Variants in ABTB2 observed in about 807,000 individuals in gnomAD.
ABTB2 encodes the protein ankyrin repeat and BTB domain containing 2.
A neutral mutation model predicts 104.1 loss-of-function variants in ABTB2; 56 were observed. The ratio of observed to expected loss-of-function variants is 0.54; its 90% CI spans 0.43 to 0.67. The LOEUF is 0.67. Ranked by LOEUF, ABTB2 falls within the 30% of genes least tolerant of loss-of-function variation. ABTB2 has a pLI of 0.00. For synonymous variants in ABTB2, 606 were observed against 608.2 expected, an observed-to-expected ratio of 1.00 and a Z score of 0.05; for missense variants, 1,279 against 1,407.7, an observed-to-expected ratio of 0.91 and a Z score of 1.46.
At chr11:34,161,989 A>G (rs1852727170) in intron 10 of ABTB2, among the ~76,000 whole-genome samples, 1 of 152,136 alleles carries the variant, frequency 6.6e-6, no homozygotes, top group South Asian at 2.1e-4. Context: ...CCAAGTGCTC[A>G]CGGTGGCCAC....
At chr11:34,155,794 T>G (rs955019554) in intron 14 of ABTB2, among the ~76,000 whole-genome samples, 1 of 152,212 alleles carries the variant, frequency 6.6e-6, no homozygotes, top group Non-Finnish European at 1.5e-5. Context: ...TCCCACGGCC[T>G]TCTGCAGCCC....
In ABTB2 at chr11:34,297,792, A is replaced by AAC. The variant is rs1554923788; in HGVS notation, c.883+58908_883+58909insGT. Among the ~76,000 whole-genome samples, 73 of 73,572 alleles carry AAC rather than the reference A, an allele frequency of 9.9e-4. 6 individuals carry two copies. The highest frequency in any genetic ancestry group is 3.0e-3 in the African/African-American group (39 of 12,792). The allele number at this position is 73,572 out of a possible 152,430, so 48.3% of individuals were successfully genotyped here. On this transcript the variant is annotated intron_variant, in intron 1 of 16. Coordinates refer to ENST00000435224, the MANE Select transcript of ABTB2 (RefSeq NM_145804.3). ...AAAAAAAAAAAAAAAAAATAAAAAT[A>AAC]AAGGAAAGAAAAAGAAAAAAACAAA... is the stretch of plus-strand genomic sequence containing the variant.
chr11:34,241,080 G>C (rs1853910215), intron 1 of ABTB2, among the ~76,000 whole-genome samples: 1 of 152,146 alleles, frequency 6.6e-6, no homozygotes. Flanking sequence ...AGTTGCATTA[G>C]GGCATGGTGG....
rs1565129401 is a variant in ABTB2 at position 34,165,295 on chromosome 11, T to G, written c.1817A>C (p.Tyr606Ser). 1.3e-6 allele frequency: 2 copies of G among 1,570,762 alleles called. No homozygotes were observed. The highest frequency in any genetic ancestry group is 4.8e-5 in the East Asian group (2 of 41,940). Residue 606 changes from tyrosine (Y) to serine (S), a missense_variant, in exon 8 of 17, where the codon TAT becomes TCT. Coordinates refer to ENST00000435224, the MANE Select transcript of ABTB2 (RefSeq NM_145804.3). The stretch of plus-strand genomic sequence containing the variant: ...GGCCAGCTGCAGGGGCGTCTCCGCA[T>G]AGCTGTCCTCGCCGCCGTTCACTGC... Reference protein sequence around the residue: ...GSAVNGGEDSYAETPLQLASA... With the variant: ...GSAVNGGEDSSAETPLQLASA...
chr11:34,336,299 G>C (rs78902453), intron 1 of ABTB2, among the ~76,000 whole-genome samples: 1 of 152,042 alleles, frequency 6.6e-6, no homozygotes, highest in South Asian at 2.1e-4. Context: ...CATAAGGCAG[G>C]TACTACTATC....
intron 1 of ABTB2, among the ~76,000 whole-genome samples, chr11:34,216,097 C>T (rs536233313): frequency 3.9e-5 from 6 of 152,262 alleles, no homozygotes; most frequent in Admixed American, 2.0e-4. Context: ...GGGTCCCTAC[C>T]CTCATGAAGT....
chr11:34,356,774 G>T lies in ABTB2; in HGVS notation c.810C>A (p.Val270=). 6.2e-7 allele frequency: 1 copy of T among 1,611,442 alleles called. No homozygotes were observed. The highest frequency in any genetic ancestry group is 8.5e-7 in the Non-Finnish European group (1 of 1,178,956). Reference sequence around the variant, plus strand: ...CCCAGAGCTCGGCGTCGTTGTTGATGACCATCTCCAGGGCCTCAGCAGACA... The same window carrying T: ...CCCAGAGCTCGGCGTCGTTGTTGATTACCATCTCCAGGGCCTCAGCAGACA... The part of the protein sequence containing the change: ...GEVSAEALEM[V]INNDAELWGV... Residue 270 remains valine (V), a synonymous_variant, in exon 1 of 17, where the codon GTC becomes GTA. Coordinates refer to ENST00000435224, the MANE Select transcript of ABTB2 (RefSeq NM_145804.3). This position sits in a 1 kb window ranked among gnomAD's most constrained non-coding sequence, Gnocchi z 4.6.
In ABTB2 at chr11:34,154,508, C is replaced by A; in HGVS notation, c.2767-130G>T. The A allele has an allele frequency of 1.2e-6, 1 of 845,618 alleles. No individual in the cohort carries two copies. The highest frequency in any genetic ancestry group is 3.4e-4 in the Middle Eastern group (1 of 2,924). 52.4% of individuals were successfully genotyped at this position (845,618 alleles called of 1,614,324 possible). On this transcript the variant is annotated intron_variant, in intron 15 of 16. Transcript: ENST00000435224. This position sits in a 1 kb window ranked among gnomAD's most constrained non-coding sequence, Gnocchi z 4.9. ...CCTCAGGCCCCACTACCTTCTGATA[C>A]TCCTGGGCCTAACCATCCCCGCTGG...
chr11:34,267,444 C>G (rs748927555), intron 1 of ABTB2, among the ~76,000 whole-genome samples: 1 of 152,188 alleles, frequency 6.6e-6, no homozygotes, highest in Non-Finnish European at 1.5e-5. Context: ...CATTTCCATC[C>G]CCGTAGTTGA....
chr11:34,213,835 G>A (rs1853516056), intron 1 of ABTB2, among the ~76,000 whole-genome samples: 1 of 152,130 alleles, frequency 6.6e-6, no homozygotes, highest in East Asian at 1.9e-4. Context: ...TGGGCAATGT[G>A]GGGCAGAAAA....
intron 1 of ABTB2, among the ~76,000 whole-genome samples, chr11:34,320,830 CT>C (rs1005021820): frequency 9.8e-5 from 15 of 152,338 alleles, no homozygotes; most frequent in African/African-American, 3.6e-4. Flanking sequence ...CCATTTGTAT[CT>C]GTCTTTCAGC....
chr11:34,354,726 G>T (rs970243476), intron 1 of ABTB2, among the ~76,000 whole-genome samples: 1 of 152,130 alleles, frequency 6.6e-6, no homozygotes, highest in Non-Finnish European at 1.5e-5. Flanking sequence ...CAATGTGCTG[G>T]GCACCTGTTC....
chr11:34,240,354 G>A (rs1177843254), intron 1 of ABTB2, among the ~76,000 whole-genome samples: 2 of 152,166 alleles, frequency 1.3e-5, no homozygotes, highest in African/African-American at 2.4e-5. Flanking sequence ...AGGGAGTCTC[G>A]AGCGATCCAC....
chr11:34,306,724 T>TA (rs56161447), intron 1 of ABTB2, among the ~76,000 whole-genome samples: 1,822 of 148,022 alleles, frequency 0.012, 19 homozygotes, highest in Admixed American at 0.018. Flanking sequence ...ACCCTGTCTC[T>TA]AAAAAAAAAA....
intron 1 of ABTB2, among the ~76,000 whole-genome samples, chr11:34,277,225 A>G (rs1199956604): frequency 6.6e-6 from 1 of 152,174 alleles, no homozygotes; most frequent in Non-Finnish European, 1.5e-5. Context: ...TAAAAGTTCA[A>G]ATGAAACCAT....
intron 1 of ABTB2, among the ~76,000 whole-genome samples, chr11:34,243,122 C>T (rs1853939791): frequency 6.6e-6 from 1 of 152,104 alleles, no homozygotes; most frequent in African/African-American, 2.4e-5. Context: ...ATCATCACAC[C>T]CAAGATAACC....
intron 1 of ABTB2, among the ~76,000 whole-genome samples, chr11:34,218,470 T>C (rs1312159400): frequency 6.6e-6 from 1 of 152,162 alleles, no homozygotes; most frequent in Non-Finnish European, 1.5e-5. Flanking sequence ...TTGAGTTAAT[T>C]CTGGGAAGGG....
intron 1 of ABTB2, among the ~76,000 whole-genome samples, chr11:34,310,449 G>C: frequency 6.6e-6 from 1 of 152,034 alleles, no homozygotes; most frequent in African/African-American, 2.4e-5. Flanking sequence ...CCACCCTCAC[G>C]TCCCCAAGCT....
chr11:34,189,075 G>A (rs1853139506), intron 3 of ABTB2: 1 of 152,188 alleles, frequency 6.6e-6, no homozygotes, highest in Non-Finnish European at 1.5e-5. Flanking sequence ...CGGCTCAGAG[G>A]ATGCACTTCT....
Sources: gnomAD v4.1 joint callset for allele counts (sites outside exome capture counted in the v4.1 genomes callset) on GRCh38, gnomAD v4.1.1 for gene constraint, Gnocchi (gnomAD v3.1) non-coding constraint, MANE v1.5 for transcripts, NCBI Gene and HGNC (gene_info 2026-07-23, HGNC 2026-07-21) for gene names.